The following SEL1L2 variants were observed in gnomAD, a reference collection of about 807,000 sequenced individuals.
SEL1L2 encodes the protein protein sel-1 homolog 2.
Under a neutral mutation model 98.8 loss-of-function variants are expected in SEL1L2, and 89 were observed. The observed-to-expected ratio is 0.90, with a 90% CI of 0.76 to 1.07. The LOEUF (loss-of-function observed/expected upper bound fraction) is 1.07. Among genes scored for constraint, SEL1L2 ranks in the 50% least tolerant of loss-of-function variants. The pLI is 0.00. For synonymous variants in SEL1L2, 262 were observed against 278.5 expected, an observed-to-expected ratio of 0.94 and a Z score of 0.59; for missense variants, 788 against 812.0, an observed-to-expected ratio of 0.97 and a Z score of 0.36.
chr20:13,956,162 T>C (rs776780687), intron 1 of SEL1L2, 31 bp from the exon 2 acceptor site: 2 of 1,182,752 alleles, frequency 1.7e-6, no homozygotes, highest in South Asian at 2.9e-5. Context: ...TTATAAAATT[T>C]AAAAGCATTT....
intron 6 of SEL1L2, 104 bp from the exon 7 acceptor site, chr20:13,888,105 C>G: frequency 1.1e-6 from 1 of 888,338 alleles, no homozygotes; most frequent in Non-Finnish European, 1.8e-6. Context: ...TCCATAATGA[C>G]CCATTGAGTT....
chr20:13,928,154 AATCACC>A (rs2048978043), intron 3 of SEL1L2: 1 of 152,246 alleles, frequency 6.6e-6, no homozygotes, highest in Non-Finnish European at 1.5e-5. Flanking sequence ...TAGCGCAGCC[AATCACC>A]ATCTTTCTTG....
chr20:13,893,233 T>C (rs2047278834), intron 5 of SEL1L2, among the ~76,000 whole-genome samples: 1 of 152,180 alleles, frequency 6.6e-6, no homozygotes, highest in South Asian at 2.1e-4. Context: ...CACACTTCGA[T>C]TTTGCACTGA....
chr20:13,937,674 A>G (rs1237643108), intron 2 of SEL1L2, among the ~76,000 whole-genome samples: 4 of 152,072 alleles, frequency 2.6e-5, no homozygotes, highest in Admixed American at 2.6e-4. Context: ...TCTAAAGCTG[A>G]CCTCCTAGTA....
In SEL1L2 at chr20:13,870,186, A is replaced by G. The variant is rs1303341141; in HGVS notation, c.1122T>C (p.Leu374=). The change falls in exon 13 of 20, where the codon CTT becomes CTC. Residue 374 remains leucine, a synonymous_variant. Transcript: ENST00000284951. ...GAAAGTAAAGAAGACCAAGCCCATG[A>G]AGGCCGATTGCATTGCCCTAGAAGA... The part of the protein sequence containing the change: ...MAASKGNAIG[L]HGLGLLYFHG... 9 of 1,611,452 alleles carry G rather than the reference A, an allele frequency of 5.6e-6. No homozygotes were observed. Among genetic ancestry groups the G allele is most frequent in the Non-Finnish European group, 6.8e-6 (8 of 1,178,234 alleles).
intron 4 of SEL1L2, among the ~76,000 whole-genome samples, chr20:13,915,986 C>T (rs1600731561): frequency 1.3e-5 from 2 of 152,246 alleles, no homozygotes; most frequent in Admixed American, 1.3e-4. Flanking sequence ...ATCTTCGAAA[C>T]TTCTTTGCTG....
At chr20:13,913,758 G>T in intron 5 of SEL1L2, 24 bp downstream of exon 5, 1 of 1,500,204 alleles carries the variant, frequency 6.7e-7, no homozygotes, top group Non-Finnish European at 8.8e-7. Context: ...GCTATTTAAG[G>T]TTTCATTTTC....
Position 13,850,437 on chromosome 20 carries a change from T to C in SEL1L2, c.1819-118A>G, listed in dbSNP as rs1301147036. The stretch of plus-strand genomic sequence containing the variant: ...AGGTCTTAAGATAGGGAGATTATCA[T>C]GGATTATCCAAGTGGACCTCAGATA... On this transcript the variant is annotated intron_variant, in intron 18 of 19. Transcript: ENST00000284951. 4 of 1,113,670 alleles carry C rather than the reference T, an allele frequency of 3.6e-6. No homozygotes were observed. The African/African-American group carries it at 4.7e-5, about 13-fold the overall frequency. 69.0% of individuals were successfully genotyped at this position (1,113,670 alleles called of 1,614,324 possible). A position where few individuals can be genotyped will look rare whatever the true frequency, so the allele number is the denominator to read the frequency against.
intron 14 of SEL1L2, among the ~76,000 whole-genome samples, chr20:13,867,554 T>A (rs1187335437): frequency 6.6e-6 from 1 of 152,172 alleles, no homozygotes; most frequent in Non-Finnish European, 1.5e-5. Flanking sequence ...GGAGGCAAAT[T>A]GCTTGAATTT....
At chr20:13,925,417 G>A (rs970190023) in intron 3 of SEL1L2, among the ~76,000 whole-genome samples, 1 of 152,184 alleles carries the variant, frequency 6.6e-6, no homozygotes, top group Non-Finnish European at 1.5e-5. Flanking sequence ...TGTGGTTAAG[G>A]TTTTACCAGG....
chr20:13,930,056 G>A (rs769752950), intron 3 of SEL1L2, among the ~76,000 whole-genome samples: 137 of 152,298 alleles, frequency 9.0e-4, no homozygotes, highest in Admixed American at 2.5e-3. Context: ...TTCCTGAAGC[G>A]CTTGGATGAC....
At chr20:13,860,186 C>G (rs1399237120) in intron 17 of SEL1L2, among the ~76,000 whole-genome samples, 1 of 152,198 alleles carries the variant, frequency 6.6e-6, no homozygotes, top group African/African-American at 2.4e-5. Context: ...CAAACACGCT[C>G]TGGCATCTTC....
At chr20:13,928,657 C>A (rs1207092070) in intron 3 of SEL1L2, among the ~76,000 whole-genome samples, 2 of 152,044 alleles carry the variant, frequency 1.3e-5, no homozygotes, top group Admixed American at 6.6e-5. Flanking sequence ...GGTAAAAGAT[C>A]GGAAGTGATA....
intron 5 of SEL1L2, among the ~76,000 whole-genome samples, chr20:13,900,597 G>A (rs2047626163): frequency 6.6e-6 from 1 of 152,164 alleles, no homozygotes; most frequent in Non-Finnish European, 1.5e-5. Flanking sequence ...GCCCAGGGAG[G>A]AGCTTATTCT....
intron 18 of SEL1L2, among the ~76,000 whole-genome samples, chr20:13,852,980 A>T (rs1276096679): frequency 1.3e-5 from 2 of 152,172 alleles, no homozygotes. Flanking sequence ...GGAAATATAG[A>T]ACTGAACAAA....
chr20:13,987,932 G>A (rs1018491465), intron 1 of SEL1L2, among the ~76,000 whole-genome samples: 1 of 152,124 alleles, frequency 6.6e-6, no homozygotes, highest in Non-Finnish European at 1.5e-5. Context: ...GTGGGTTGTC[G>A]TTTCAGTTTC....
chr20:13,897,073 G>A (rs952837489), intron 5 of SEL1L2, among the ~76,000 whole-genome samples: 3 of 152,104 alleles, frequency 2.0e-5, no homozygotes, highest in African/African-American at 7.2e-5. Context: ...TTAGACCAAT[G>A]GAACAGAATG....
At chr20:13,880,963 C>T (rs2046674430) in intron 10 of SEL1L2, among the ~76,000 whole-genome samples, 1 of 151,954 alleles carries the variant, frequency 6.6e-6, no homozygotes, top group South Asian at 2.1e-4. Context: ...GTAACATTTC[C>T]CCTAGAATGA....
chr20:13,949,306 G>A (rs2148411879), intron 2 of SEL1L2, among the ~76,000 whole-genome samples: 1 of 152,272 alleles, frequency 6.6e-6, no homozygotes, highest in Non-Finnish European at 1.5e-5. Flanking sequence ...CCAATCATTA[G>A]GAAAACAAAA....
Sources: gnomAD v4.1 joint callset for allele counts (sites outside exome capture counted in the v4.1 genomes callset) on GRCh38, gnomAD v4.1.1 for gene constraint, MANE v1.5 for transcripts, NCBI Gene and HGNC (gene_info 2026-07-23, HGNC 2026-07-21) for gene names.